RPL31: variants seen among roughly 807,000 people sequenced by gnomAD.
The protein encoded by RPL31 is large ribosomal subunit protein eL31.
For missense variants in RPL31, 95 were observed against 164.0 expected (o/e 0.58, Z 2.30); for synonymous variants, 51 against 55.0 (o/e 0.93, Z 0.32).
At chr2:101,008,230 T>C, downstream of RPL31, 2 of 1,596,046 alleles carry the variant, frequency 1.3e-6, no homozygotes, top group Non-Finnish European at 8.5e-7. Flanking sequence ...TGGATCTTCA[T>C]GGAACATACT....
intron 3 of RPL31, 116 bp from the exon 4 acceptor site, chr2:101,005,843 C>G (rs1263379019): frequency 1.2e-6 from 1 of 849,810 alleles, no homozygotes; most frequent in African/African-American, 1.7e-5. Context: ...CTAGGTTGGT[C>G]AGAGTAGAGC....
downstream of RPL31, chr2:101,007,969 A>C: frequency 6.2e-7 from 1 of 1,614,074 alleles, no homozygotes; most frequent in Non-Finnish European, 8.5e-7. Flanking sequence ...TTCAGTCAGA[A>C]GTGAAGCTAA....
intron 4 of RPL31, chr2:101,018,922 C>A: frequency 1.3e-6 from 2 of 1,561,890 alleles, no homozygotes; most frequent in African/African-American, 1.3e-5. Flanking sequence ...CTGTTGATGT[C>A]CTAATCTTCT....
chr2:101,011,331 A>T, downstream of RPL31: 1 of 1,049,824 alleles, frequency 9.5e-7, no homozygotes. Context: ...GTTTGGGGAT[A>T]ATTCATTGGA....
rs372326618 is a variant in RPL31 at position 101,006,275 on chromosome 2, G to A, written c.347-75G>A. Reference sequence around the variant, plus strand: ...TGTGGAAAATAGAATGCCCAGACCCGTCTACAAAAGGTTTTTAGAGTTGAA... The same window carrying A: ...TGTGGAAAATAGAATGCCCAGACCCATCTACAAAAGGTTTTTAGAGTTGAA... On this transcript the variant is annotated intron_variant, in intron 4 of 4. Transcript: ENST00000264258. 2.0e-3 allele frequency: 3,170 copies of A among 1,575,144 alleles called. 10 individuals carry two copies. Among genetic ancestry groups the A allele is most frequent in the Non-Finnish European group, 2.0e-3 (2,343 of 1,163,240 alleles).
Position 101,006,739 on chromosome 2 carries a change from A to ACTATCTAT in RPL31, c.*369_*376dup, listed in dbSNP as rs143628717. The ACTATCTAT allele has an allele frequency of 9.1e-6, 2 of 218,678 alleles. No individual in the cohort carries two copies. The highest frequency in any genetic ancestry group is 4.6e-5 in the African/African-American group (2 of 43,198). 13.5% of individuals were successfully genotyped at this position (218,678 alleles called of 1,614,324 possible). Reference sequence around the variant, plus strand: ...TTAGGAAACAACTTTAAAATGATATACTATCTATCTATCTATCTGTAGCAT... The same window carrying ACTATCTAT: ...TTAGGAAACAACTTTAAAATGATATACTATCTATCTATCTATCTATCTATCTGTAGCAT... On this transcript the variant is annotated 3_prime_UTR_variant, in exon 5 of 5. Transcript: ENST00000264258.
At chr2:101,008,498 C>T (rs1326478381), downstream of RPL31, among the ~76,000 whole-genome samples, 1 of 152,150 alleles carries the variant, frequency 6.6e-6, no homozygotes, top group Non-Finnish European at 1.5e-5. Context: ...AGGATGTGCA[C>T]ACCCTTTAAC....
Position 101,013,780 on chromosome 2 carries a change from C to T in RPL31, c.347-5218C>T, listed in dbSNP as rs371426224. ...TAAGTGTCTTCTCTGTAGTAGAATT[C>T]ACATATGGCTTTGAACACAATCTGG... On this transcript the variant is annotated intron_variant, in intron 4 of 4. Transcript: ENST00000409028. Among the ~76,000 whole-genome samples, 9 of 152,350 alleles carry T rather than the reference C, an allele frequency of 5.9e-5. No homozygotes were observed. The East Asian group carries it at 1.2e-3, about 20-fold the overall frequency.
chr2:101,016,651 A>G (rs1442436793), intron 4 of RPL31, among the ~76,000 whole-genome samples: 1 of 152,208 alleles, frequency 6.6e-6, no homozygotes, highest in Non-Finnish European at 1.5e-5. Context: ...ACTATTCACA[A>G]TAGCAAAGAC....
At chr2:101,017,980 A>G in intron 4 of RPL31, 1 of 1,526,732 alleles carries the variant, frequency 6.5e-7, no homozygotes, top group Non-Finnish European at 8.9e-7. Flanking sequence ...GAGGATTCGA[A>G]CGGTTCCAAT....
downstream of RPL31, chr2:101,011,561 T>A: frequency 6.2e-7 from 1 of 1,613,328 alleles, no homozygotes; most frequent in Non-Finnish European, 8.5e-7. Context: ...GATGAGAGGT[T>A]TAAATTAAAC....
chr2:101,005,039 A>C (rs1263310161), intron 3 of RPL31: 2 of 152,334 alleles, frequency 1.3e-5, no homozygotes, highest in Non-Finnish European at 2.9e-5. Context: ...GAGATGAACA[A>C]GACAGGGACC....
At position 101,018,825 on chromosome 2, in the gene RPL31, C is replaced by T. The variant is rs17025189; in HGVS notation, c.347-173C>T. Among the ~76,000 whole-genome samples, 4,547 of 152,208 alleles carry T rather than the reference C, an allele frequency of 0.03. 246 individuals are homozygous for T. Among genetic ancestry groups the T allele is most frequent in the African/African-American group, 0.1 (4,290 of 41,494 alleles). On this transcript the variant is annotated intron_variant, in intron 4 of 4. Transcript: ENST00000409028. ...CTTTCCAAGGAAAATAAAGTTCTCCCAGGAAGTTCTCCTCTGAAAGTCCAA... is the reference window on the plus strand; with the variant it reads ...CTTTCCAAGGAAAATAAAGTTCTCCTAGGAAGTTCTCCTCTGAAAGTCCAA...
intron 4 of RPL31, among the ~76,000 whole-genome samples, chr2:101,012,529 A>G (rs1228287101): frequency 6.6e-6 from 1 of 152,152 alleles, no homozygotes; most frequent in Non-Finnish European, 1.5e-5. Context: ...GAAAATGGAT[A>G]CACTGGTAGT....
At chr2:101,011,626 G>C, downstream of RPL31, 1 of 1,403,244 alleles carries the variant, frequency 7.1e-7, no homozygotes, top group Non-Finnish European at 1.0e-6. Context: ...GCAACTAAAG[G>C]CTAAGCCAGC....
In RPL31 at chr2:101,006,165, C is replaced by A. The variant is rs17025173; in HGVS notation, c.346+94C>A. 8,896 of 1,539,538 alleles carry A rather than the reference C, an allele frequency of 5.8e-3. 426 individuals carry two copies. In the African/African-American group the frequency reaches 0.1, roughly 18 times the overall value. ...TTCATCTGTTAAGCTAGGGGTGACA[C>A]ACGTCATTGTACCCTTTTTAAATTG... On this transcript the variant is annotated intron_variant, in intron 4 of 4. Transcript: ENST00000264258.
Position 101,018,105 on chromosome 2 carries a change from C to T in RPL31, c.347-893C>T, listed in dbSNP as rs147723276. 21 of 590,630 alleles carry T rather than the reference C, an allele frequency of 3.6e-5. No homozygotes were observed. The East Asian group carries it at 6.0e-4, about 17-fold the overall frequency. 36.6% of individuals were successfully genotyped at this position (590,630 alleles called of 1,614,324 possible). A position where few individuals can be genotyped will look rare whatever the true frequency, so the allele number is the denominator to read the frequency against. On this transcript the variant is annotated intron_variant, in intron 4 of 4. Transcript: ENST00000409028. ...GACTAGATTTTGAATCCAATCAACA[C>T]TTTTTCATATAAAGTTTTCAGAATA...
intron 4 of RPL31, chr2:101,017,994 C>T (rs920838988): frequency 1.3e-5 from 19 of 1,452,808 alleles, no homozygotes; most frequent in Admixed American, 2.0e-5. Flanking sequence ...TTCCAATGCT[C>T]GCAATTCTAC....
Position 101,002,690 on chromosome 2 carries a change from G to T in RPL31, c.1-12G>T. The T allele has an allele frequency of 6.2e-7, 1 of 1,607,688 alleles. No homozygotes were observed. The highest frequency in any genetic ancestry group is 8.5e-7 in the Non-Finnish European group (1 of 1,174,362). On this transcript the variant is annotated splice_polypyrimidine_tract_variant and intron_variant, in intron 1 of 4. Coordinates refer to ENST00000264258, the MANE Select transcript of RPL31 (RefSeq NM_000993.5). Reference sequence around the variant, plus strand: ...AAACTCTGCTCTGAGCCTCCTTGTCGCCTGCATTTAGATGGCTCCCGCAAA... The same window carrying T: ...AAACTCTGCTCTGAGCCTCCTTGTCTCCTGCATTTAGATGGCTCCCGCAAA...
Sources: gnomAD v4.1 joint callset for allele counts (sites outside exome capture counted in the v4.1 genomes callset) on GRCh38, gnomAD v4.1.1 for gene constraint, MANE v1.5 for transcripts, NCBI Gene and HGNC (gene_info 2026-07-23, HGNC 2026-07-21) for gene names.